RBL1: variants seen among roughly 807,000 people sequenced by gnomAD.
RBL1 encodes the protein retinoblastoma-like protein 1.
Under a neutral mutation model 123.0 loss-of-function variants are expected in RBL1, and 82 were observed. That is an observed-to-expected ratio of 0.67 (90% CI 0.56 to 0.80). The LOEUF is 0.80. Among genes scored for constraint, RBL1 ranks in the 30% least tolerant of loss-of-function variants. The pLI, the probability that RBL1 is intolerant of heterozygous loss-of-function variation, is 0.00. For synonymous variants in RBL1, 405 were observed against 441.3 expected (o/e 0.92, Z 1.03); for missense variants, 1,171 against 1,299.6 (o/e 0.90, Z 1.52).
rs79340550 is a variant in RBL1 at position 37,087,333 on chromosome 20, C to CA, written c.290+1655dup. Among the ~76,000 whole-genome samples, 898 of 135,104 alleles carry CA rather than the reference C, an allele frequency of 6.6e-3. 22 individuals are homozygous for CA. The South Asian group carries it at 0.077, about 12-fold the overall frequency. 88.6% of individuals were successfully genotyped at this position (135,104 alleles called of 152,430 possible). On this transcript the variant is annotated intron_variant, in intron 2 of 21. Coordinates refer to ENST00000373664, the MANE Select transcript of RBL1 (RefSeq NM_002895.5). Reference sequence around the variant, plus strand: ...TGGGCAACAGAGTGAGACTCTGTCCCAAAAAAAAAAAAGGCTGAGGCAAGA... The same window carrying CA: ...TGGGCAACAGAGTGAGACTCTGTCCCAAAAAAAAAAAAAGGCTGAGGCAAGA...
chr20:37,078,266 A>C (rs1421444056), intron 2 of RBL1, among the ~76,000 whole-genome samples: 1 of 152,158 alleles, frequency 6.6e-6, no homozygotes, highest in African/African-American at 2.4e-5. Flanking sequence ...CTTTGTAATT[A>C]GTGATTCATA....
intron 17 of RBL1, among the ~76,000 whole-genome samples, chr20:37,022,248 CGTT>C (rs1326708518): frequency 2.0e-5 from 3 of 152,210 alleles, no homozygotes; most frequent in Admixed American, 6.6e-5. Flanking sequence ...ACTTAAAACA[CGTT>C]GTAGCAACTA....
At chr20:37,015,058 T>C (rs1439006062) in intron 19 of RBL1, among the ~76,000 whole-genome samples, 2 of 124,830 alleles carry the variant, frequency 1.6e-5, no homozygotes, top group African/African-American at 6.4e-5. Flanking sequence ...AGTGAGACTG[T>C]ATCTCAAAAA....
At chr20:37,020,802 A>G (rs1568829887) in intron 17 of RBL1, 72 bp from the exon 18 acceptor site, 15 of 1,036,184 alleles carry the variant, frequency 1.4e-5, no homozygotes, top group Non-Finnish European at 2.0e-5. Context: ...AACTTCAATT[A>G]TAAGTTGGCA....
intron 2 of RBL1, among the ~76,000 whole-genome samples, chr20:37,078,874 CT>C (rs200764656): frequency 7.0e-6 from 1 of 143,286 alleles, no homozygotes; most frequent in East Asian, 2.2e-4. Flanking sequence ...TCAAGATGGT[CT>C]TTTTTTGGGG....
chr20:37,020,944 A>C (rs2064332187), intron 17 of RBL1, among the ~76,000 whole-genome samples: 1 of 152,190 alleles, frequency 6.6e-6, no homozygotes, highest in Non-Finnish European at 1.5e-5. Flanking sequence ...TAGTTTCATT[A>C]ATCAAAAAGC....
At chr20:37,067,467 A>G (rs1244464601) in intron 3 of RBL1, among the ~76,000 whole-genome samples, 170 bp from the exon 4 acceptor site, 1 of 152,142 alleles carries the variant, frequency 6.6e-6, no homozygotes, top group African/African-American at 2.4e-5. Context: ...TCCAACCTGC[A>G]TAAAATAATC....
At chr20:37,064,139 C>CTT (rs1037547663) in intron 7 of RBL1, among the ~76,000 whole-genome samples, 12 of 131,842 alleles carry the variant, frequency 9.1e-5, no homozygotes, top group South Asian at 2.4e-4. Context: ...TCTTTTCTTT[C>CTT]TTTTTTTTTT....
chr20:37,006,317 C>T (rs2064072362), intron 20 of RBL1, among the ~76,000 whole-genome samples: 1 of 151,340 alleles, frequency 6.6e-6, no homozygotes, highest in Non-Finnish European at 1.5e-5. Context: ...TCTCCTGCCT[C>T]AGCCTCCCGA....
intron 21 of RBL1, 29 bp from the exon 22 acceptor site, chr20:36,998,958 TAA>T (rs1288877919): frequency 3.8e-6 from 6 of 1,587,654 alleles, no homozygotes; most frequent in Non-Finnish European, 5.2e-6. Flanking sequence ...CGTGTGTGAG[TAA>T]AAGAGGGAGA....
chr20:37,029,541 G>C (rs2064474500), intron 16 of RBL1, among the ~76,000 whole-genome samples: 1 of 152,182 alleles, frequency 6.6e-6, no homozygotes, highest in Admixed American at 6.6e-5. Context: ...AGTAAGACAA[G>C]GATGTTTGCT....
chr20:37,044,258 G>A lies in RBL1; in HGVS notation c.1606-8C>T. The A allele has an allele frequency of 6.2e-7, 1 of 1,613,364 alleles. No homozygotes were observed. Among genetic ancestry groups the A allele is most frequent in the Non-Finnish European group, 8.5e-7 (1 of 1,179,718 alleles). On this transcript the variant is annotated splice_polypyrimidine_tract_variant and splice_region_variant and intron_variant, in intron 12 of 21. Coordinates refer to ENST00000373664, the MANE Select transcript of RBL1 (RefSeq NM_002895.5). ...GATCACCACCTCAATAACCTGCAGAGGAGAAAGTGAGAAGGCAATGTGGTT... is the reference window on the plus strand; with the variant it reads ...GATCACCACCTCAATAACCTGCAGAAGAGAAAGTGAGAAGGCAATGTGGTT...
intron 2 of RBL1, among the ~76,000 whole-genome samples, chr20:37,086,062 T>C (rs2065540808): frequency 6.6e-6 from 1 of 152,192 alleles, no homozygotes. Context: ...TCTCCTGCCA[T>C]GTACTGCTCT....
At chr20:37,082,806 G>A (rs2065473313) in intron 2 of RBL1, among the ~76,000 whole-genome samples, 1 of 151,934 alleles carries the variant, frequency 6.6e-6, no homozygotes, top group Admixed American at 6.6e-5. Context: ...AGACCAGCTT[G>A]GGGAACATGG....
In RBL1 at chr20:37,066,852, TAA is replaced by T; in HGVS notation, c.716_717del (p.Phe239TyrfsTer4). 1 of 1,613,756 alleles carries T rather than the reference TAA, an allele frequency of 6.2e-7. No individual in the cohort carries two copies. Among genetic ancestry groups the T allele is most frequent in the Non-Finnish European group, 8.5e-7 (1 of 1,179,928 alleles). On this transcript the variant is annotated frameshift_variant, in exon 6 of 22. Coordinates refer to ENST00000373664, the MANE Select transcript of RBL1 (RefSeq NM_002895.5). LOFTEE classifies it high-confidence loss of function. ...GLPSDFHTADFTASEEPPCII... is the reference protein window; with the variant it reads ...GLPSDFHTADXTASEEPPCII... ...ATGCAGGGTGGCTCTTCAGAAGCCG[TAA>T]AGTCAGCAGTATGAAAATCAGATGG...
intron 7 of RBL1, 121 bp from the exon 8 acceptor site, chr20:37,062,391 C>CT: frequency 7.0e-7 from 1 of 1,433,490 alleles, no homozygotes; most frequent in Non-Finnish European, 9.1e-7. Context: ...TTTATTAACT[C>CT]TGACCATCTA....
intron 9 of RBL1, among the ~76,000 whole-genome samples, chr20:37,059,301 T>G (rs1282806598): frequency 3.9e-5 from 6 of 152,224 alleles, no homozygotes; most frequent in Non-Finnish European, 7.3e-5. Context: ...GTTTGAGGAA[T>G]GGGGGAGAGC....
intron 2 of RBL1, among the ~76,000 whole-genome samples, chr20:37,072,539 A>G (rs1221003078): frequency 6.6e-6 from 1 of 152,118 alleles, no homozygotes; most frequent in Non-Finnish European, 1.5e-5. Context: ...GGATGATCAC[A>G]TTTTGCATGT....
Position 37,065,416 on chromosome 20 carries a change from A to T in RBL1, c.896+8T>A. 1 of 1,565,652 alleles carries T rather than the reference A, an allele frequency of 6.4e-7. No individual in the cohort carries two copies. The highest frequency in any genetic ancestry group is 1.2e-5 in the South Asian group (1 of 86,048). ...ATAAGCCAGGCACCATTAGTACTAG[A>T]TATTTACCTATTATCAGTAAAACTT... On this transcript the variant is annotated splice_region_variant and intron_variant, in intron 7 of 21. Transcript: ENST00000373664.
Sources: gnomAD v4.1 joint callset for allele counts (sites outside exome capture counted in the v4.1 genomes callset) on GRCh38, gnomAD v4.1.1 for gene constraint, MANE v1.5 for transcripts, NCBI Gene and HGNC (gene_info 2026-07-23, HGNC 2026-07-21) for gene names.